NYNRIN: variants seen among roughly 807,000 people sequenced by gnomAD.
NYNRIN encodes protein NYNRIN.
In NYNRIN, 86 loss-of-function variants were observed where a neutral mutation model predicts 146.6. The observed-to-expected ratio is 0.59, with a 90% CI of 0.49 to 0.70. NYNRIN has a LOEUF of 0.70. Ranked by LOEUF, NYNRIN falls within the 30% of genes least tolerant of loss-of-function variation. The probability of loss-of-function intolerance (pLI) is 0.00; values close to 1 mark genes in which losing one functional copy is unlikely to be tolerated. For synonymous variants in NYNRIN, 1,027 were observed against 1,001.3 expected (o/e 1.03, Z -0.48); for missense variants, 2,191 against 2,377.7 (o/e 0.92, Z 1.63).
In NYNRIN at chr14:24,411,791, T is replaced by A. The variant is rs1398520454; in HGVS notation, c.2642+341T>A. Among the ~76,000 whole-genome samples the A allele has an allele frequency of 6.6e-6, 1 of 152,194 alleles. No individual in the cohort carries two copies. The highest frequency in any genetic ancestry group is 2.4e-5 in the African/African-American group (1 of 41,450). On this transcript the variant is annotated intron_variant, in intron 6 of 8. Transcript: ENST00000382554. The surrounding 1 kb of genome is among the most constrained non-coding windows in gnomAD (Gnocchi z 4.3). ...GCCCGTTTCGGTTGAGGCTCATGTC[T>A]CCAGACTGCTTTAGTCTTTTCCTCC...
rs1436686610 is a variant in NYNRIN, at chr14:24,416,495, C to T, written c.4746C>T (p.Tyr1582=). 2.5e-6 allele frequency: 4 copies of T among 1,613,632 alleles called. No homozygotes were observed. The East Asian group carries it at 8.9e-5, about 36-fold the overall frequency. The change falls in exon 9 of 9, where the codon TAC becomes TAT. Residue 1582 remains tyrosine (Y), a synonymous_variant. Transcript: ENST00000382554. ...WPGMQEHVKD[Y]CRSCLFCIPR... ...GGATGCAGGAGCATGTGAAAGATTA[C>T]TGCAGGAGCTGCTTGTTCTGCATCC...
rs1258530746 is a variant in NYNRIN, at chr14:24,408,766, G to A, written c.972G>A (p.Gln324=). 6.2e-7 allele frequency: 1 copy of A among 1,613,864 alleles called. No individual in the cohort carries two copies. The highest frequency in any genetic ancestry group is 8.5e-7 in the Non-Finnish European group (1 of 1,179,868). ...NHTQALLKQR[Q]VQKIEDKLLF... ...CACAAGCCTTGTTGAAGCAAAGGCA[G>A]GTCCAGAAGATAGAAGATAAACTCC... is the stretch of plus-strand genomic sequence containing the variant. Residue 324 remains glutamine (Q), a synonymous_variant, in exon 4 of 9, where the codon CAG becomes CAA. Transcript: ENST00000382554.
rs1261077050 is a variant in NYNRIN, at chr14:24,417,457, C to T, written c.*11C>T. 5 of 1,457,688 alleles carry T rather than the reference C, an allele frequency of 3.4e-6. No homozygotes were observed. Among genetic ancestry groups the T allele is most frequent in the African/African-American group, 1.4e-5 (1 of 70,366 alleles). 90.3% of individuals were successfully genotyped at this position (1,457,688 alleles called of 1,614,324 possible). A position where few individuals can be genotyped will look rare whatever the true frequency, so the allele number is the denominator to read the frequency against. ...GTCTTGGAGCAGTGAGCGGGAGCAG[C>T]GGGGGTGCCCCCTGCCCCAGGGCCG... On this transcript the variant is annotated 3_prime_UTR_variant, in exon 9 of 9. Coordinates refer to ENST00000382554, the MANE Select transcript of NYNRIN (RefSeq NM_025081.3).
chr14:24,415,354 C>G lies in NYNRIN; in HGVS notation c.3605C>G (p.Pro1202Arg), dbSNP rs2042937683. ...PLLPDEESQG[P>R]QSGGDSPYAV... The stretch of plus-strand genomic sequence containing the variant: ...CTCCCTGATGAGGAGAGCCAGGGCC[C>G]CCAGTCAGGGGGTGACAGCCCCTAT... The change falls in exon 9 of 9, where the codon CCC becomes CGC. Residue 1202 changes from proline to arginine, a missense_variant. Around this residue, in one of 3 missense-constraint regions of NYNRIN, gnomAD observed 1,291 missense variants for 1,417.0 expected, o/e 0.91. Coordinates refer to ENST00000382554, the MANE Select transcript of NYNRIN (RefSeq NM_025081.3). The G allele has an allele frequency of 2.5e-6, 4 of 1,613,946 alleles. No individual in the cohort carries two copies. Among genetic ancestry groups the G allele is most frequent in the Non-Finnish European group, 2.5e-6 (3 of 1,179,876 alleles).
At chr14:24,410,229 G>T (rs777099635) in intron 4 of NYNRIN, 21 bp downstream of exon 4, 1 of 1,550,808 alleles carries the variant, frequency 6.4e-7, no homozygotes, top group Admixed American at 1.8e-5. Context: ...ACGGGCGTGG[G>T]GTGGGCTGGG....
At position 24,411,488 on chromosome 14, in the gene NYNRIN, G is replaced by T; in HGVS notation, c.2642+38G>T. 1 of 1,574,520 alleles carries T rather than the reference G, an allele frequency of 6.4e-7. No homozygotes were observed. The highest frequency in any genetic ancestry group is 8.7e-7 in the Non-Finnish European group (1 of 1,144,398). ...CCAGGCCTGCCCTCCTGGGCTCAGG[G>T]AGTTGGGCCTGGCTGGTGTGTCAGG... On this transcript the variant is annotated intron_variant, in intron 6 of 8. Transcript: ENST00000382554. The surrounding 1 kb of genome is among the most constrained non-coding windows in gnomAD (Gnocchi z 4.3).
At position 24,414,893 on chromosome 14, in the gene NYNRIN, T is replaced by A; in HGVS notation, c.3144T>A (p.Pro1048=). 6.2e-7 allele frequency: 1 copy of A among 1,608,716 alleles called. No homozygotes were observed. Among genetic ancestry groups the A allele is most frequent in the Non-Finnish European group, 8.5e-7 (1 of 1,175,872 alleles). ...GGTGCCTCAGCCTCCATGATCCCCCTGATGGGGCCCTGGACATCGACCTCC... is the reference window on the plus strand; with the variant it reads ...GGTGCCTCAGCCTCCATGATCCCCCAGATGGGGCCCTGGACATCGACCTCC... ...ILRCLSLHDP[P]DGALDIDLLP... is the part of the protein sequence containing the mutation. The change falls in exon 9 of 9, where the codon CCT becomes CCA. Residue 1048 remains proline, a synonymous_variant. Coordinates refer to ENST00000382554, the MANE Select transcript of NYNRIN (RefSeq NM_025081.3).
chr14:24,401,445 G>T (rs915661821), intron 2 of NYNRIN, among the ~76,000 whole-genome samples: 1 of 152,008 alleles, frequency 6.6e-6, no homozygotes, highest in East Asian at 1.9e-4. Context: ...GGGCGGGGGG[G>T]GTTAAAGTTT....
intron 8 of NYNRIN, 87 bp from the exon 9 acceptor site, chr14:24,414,509 G>T: frequency 6.9e-7 from 1 of 1,454,602 alleles, no homozygotes. Flanking sequence ...AGGACACTTT[G>T]GAATGGGGTT....
chr14:24,413,265 G>C, intron 7 of NYNRIN, 51 bp from the exon 8 acceptor site: 1 of 1,539,912 alleles, frequency 6.5e-7, no homozygotes, highest in Non-Finnish European at 8.9e-7. Context: ...AACAGGGTGT[G>C]GGTGGGTCAA....
rs1566484433 is a variant in NYNRIN at position 24,408,260 on chromosome 14, CG to C, written c.593del (p.Gly198AlafsTer24). The C allele has an allele frequency of 6.2e-7, 1 of 1,610,298 alleles. No homozygotes were observed. ...CTGCTGAGCCTGGTGCGGGATGCTG[CG>C]GGCAAGGAAGACATCATCGAGTGGC... is the stretch of plus-strand genomic sequence containing the variant. Reference protein sequence around the residue: ...ELLLSLVRDAAGKEDIIEWLS... With the variant: ...ELLLSLVRDAXGKEDIIEWLS... On this transcript the variant is annotated frameshift_variant, in exon 3 of 9. Transcript: ENST00000382554. LOFTEE classifies it high-confidence loss of function.
chr14:24,416,600 G>T lies in NYNRIN; in HGVS notation c.4851G>T (p.Leu1617=). The T allele has an allele frequency of 6.2e-7, 1 of 1,613,984 alleles. No individual in the cohort carries two copies. The highest frequency in any genetic ancestry group is 2.2e-5 in the East Asian group (1 of 44,882). Residue 1617 remains leucine (L), a synonymous_variant, in exon 9 of 9, where the codon CTG becomes CTT. Coordinates refer to ENST00000382554, the MANE Select transcript of NYNRIN (RefSeq NM_025081.3). ...PLRSTAPWSN[L]QIEVVGPVTI... ...GGTCGACCGCCCCCTGGTCGAACCT[G>T]CAGATCGAGGTGGTGGGCCCGGTCA... is the stretch of plus-strand genomic sequence containing the variant.
chr14:24,408,831 C>A lies in NYNRIN; in HGVS notation c.1037C>A (p.Pro346His). ...PPVSALGVCP[P>H]WKAWTPGPAF... The stretch of plus-strand genomic sequence containing the variant: ...GTATCAGCCCTGGGTGTGTGCCCAC[C>A]CTGGAAGGCCTGGACCCCGGGGCCA... Residue 346 changes from proline to histidine, a missense_variant, in exon 4 of 9, where the codon CCC becomes CAC. Pro to His is a moderately conservative substitution (Grantham distance 77). This residue lies in a region of NYNRIN where 895 missense variants were observed against 941.2 expected (regional missense o/e 0.95). Coordinates refer to ENST00000382554, the MANE Select transcript of NYNRIN (RefSeq NM_025081.3). 6.2e-7 allele frequency: 1 copy of A among 1,614,030 alleles called. No homozygotes were observed. Among genetic ancestry groups the A allele is most frequent in the Non-Finnish European group, 8.5e-7 (1 of 1,179,886 alleles).
rs751865948 is a variant in NYNRIN at position 24,416,982 on chromosome 14, C to T, written c.5233C>T (p.His1745Tyr). 6.3e-7 allele frequency: 1 copy of T among 1,585,256 alleles called. No homozygotes were observed. Among genetic ancestry groups the T allele is most frequent in the Non-Finnish European group, 8.6e-7 (1 of 1,164,046 alleles). The change falls in exon 9 of 9, where the codon CAC becomes TAC. Residue 1745 changes from histidine to tyrosine, a missense_variant. By Grantham distance (83) the His-to-Tyr change is moderately conservative. Coordinates refer to ENST00000382554, the MANE Select transcript of NYNRIN (RefSeq NM_025081.3). Reference protein sequence around the residue: ...KKWAASLPLLHLAFRASSTDA... With the variant: ...KKWAASLPLLYLAFRASSTDA... ...GTGGGCGGCCTCCCTGCCTTTGCTG[C>T]ACCTGGCCTTCAGGGCCTCCTCCAC...
Position 24,416,518 on chromosome 14 carries a change from TC to T in NYNRIN, c.4774del (p.Arg1592GlufsTer4). Reference sequence around the variant, plus strand: ...TACTGCAGGAGCTGCTTGTTCTGCATCCCCCGAAATCTCATAGGCAGCGAGT... The same window carrying T: ...TACTGCAGGAGCTGCTTGTTCTGCATCCCCGAAATCTCATAGGCAGCGAGT... Reference protein sequence around the residue: ...KDYCRSCLFCIPRNLIGSELK... With the variant: ...KDYCRSCLFCXPRNLIGSELK... On this transcript the variant is annotated frameshift_variant, in exon 9 of 9. Coordinates refer to ENST00000382554, the MANE Select transcript of NYNRIN (RefSeq NM_025081.3). LOFTEE classifies it high-confidence loss of function. 2 of 1,613,690 alleles carry T rather than the reference TC, an allele frequency of 1.2e-6. No individual in the cohort carries two copies. The highest frequency in any genetic ancestry group is 1.7e-6 in the Non-Finnish European group (2 of 1,179,808).
rs530904015 is a variant in NYNRIN at position 24,412,992 on chromosome 14, T to C, written c.2643-5T>C. 90 of 1,584,740 alleles carry C rather than the reference T, an allele frequency of 5.7e-5. No homozygotes were observed. The African/African-American group carries it at 9.8e-4, about 17-fold the overall frequency. Reference sequence around the variant, plus strand: ...GGTCATTAGTGACTTCCCCTCTCCCTGCAGGTTCATGGTAAAGCTGGCAGA... The same window carrying C: ...GGTCATTAGTGACTTCCCCTCTCCCCGCAGGTTCATGGTAAAGCTGGCAGA... On this transcript the variant is annotated splice_polypyrimidine_tract_variant and splice_region_variant and intron_variant, in intron 6 of 8. Coordinates refer to ENST00000382554, the MANE Select transcript of NYNRIN (RefSeq NM_025081.3).
In NYNRIN at chr14:24,411,285, C is replaced by T; in HGVS notation, c.2546-69C>T. ...TCTGCCTTGCTGCCCCGACCCTCTG[C>T]CACCCCAGAGTGGCCATTTCCACTT... On this transcript the variant is annotated intron_variant, in intron 5 of 8. Transcript: ENST00000382554. The surrounding 1 kb of genome is among the most constrained non-coding windows in gnomAD (Gnocchi z 4.3). The T allele has an allele frequency of 6.2e-7, 1 of 1,612,394 alleles. No homozygotes were observed. Among genetic ancestry groups the T allele is most frequent in the South Asian group, 1.1e-5 (1 of 91,052 alleles).
At position 24,409,623 on chromosome 14, in the gene NYNRIN, A is replaced by C; in HGVS notation, c.1829A>C (p.Gln610Pro). The C allele has an allele frequency of 1.2e-6, 2 of 1,608,286 alleles. No individual in the cohort carries two copies. Among genetic ancestry groups the C allele is most frequent in the Non-Finnish European group, 1.7e-6 (2 of 1,177,248 alleles). The change falls in exon 4 of 9, where the codon CAA (glutamine) becomes CCA (proline). Residue 610 changes from glutamine (Q) to proline (P), a missense_variant. Around this residue, in one of 3 missense-constraint regions of NYNRIN, gnomAD observed 895 missense variants for 941.2 expected, o/e 0.95. Coordinates refer to ENST00000382554, the MANE Select transcript of NYNRIN (RefSeq NM_025081.3). The part of the protein sequence containing the change: ...MATAQKTVVN[Q>P]PVLVAQVEPT... The stretch of plus-strand genomic sequence containing the variant: ...ACAGCTCAAAAAACAGTTGTGAATC[A>C]ACCAGTGTTGGTAGCTCAAGTGGAA...
chr14:24,418,035 CA>C lies in NYNRIN; in HGVS notation c.*590del. On this transcript the variant is annotated 3_prime_UTR_variant, in exon 9 of 9. Coordinates refer to ENST00000382554, the MANE Select transcript of NYNRIN (RefSeq NM_025081.3). ...AGCCAGGTGTGGCCTGCACAGCTCTCAGGGCAGGGCTGGCCATCCTCCCAGG... is the reference window on the plus strand; with the variant it reads ...AGCCAGGTGTGGCCTGCACAGCTCTCGGGCAGGGCTGGCCATCCTCCCAGG... 6.2e-6 allele frequency: 2 copies of C among 321,468 alleles called. No individual in the cohort carries two copies. Among genetic ancestry groups the C allele is most frequent in the East Asian group, 2.2e-4 (2 of 9,212 alleles). The allele number at this position is 321,468 out of a possible 1,614,324, so 19.9% of individuals were successfully genotyped here.
Sources: allele counts gnomAD v4.1 joint callset (sites outside exome capture counted in the v4.1 genomes callset), GRCh38; gene constraint gnomAD v4.1.1; regional missense constraint gnomAD v4.1.1; non-coding constraint Gnocchi (gnomAD v3.1); transcripts MANE v1.5; gene names NCBI Gene and HGNC (gene_info 2026-07-23, HGNC 2026-07-21).